The following RAI14 variants were observed in gnomAD, a reference collection of about 807,000 sequenced individuals.
The protein encoded by RAI14 is retinoic acid induced 14.
Under a neutral mutation model 115.4 loss-of-function variants are expected in RAI14, and 45 were observed. The ratio of observed to expected loss-of-function variants is 0.39; its 90% CI spans 0.31 to 0.50. The LOEUF is 0.50. Among genes scored for constraint, RAI14 ranks in the 20% least tolerant of loss-of-function variants. The probability of loss-of-function intolerance (pLI) is 0.85; values close to 1 mark genes in which losing one functional copy is unlikely to be tolerated. For synonymous variants in RAI14, 371 were observed against 415.4 expected, an observed-to-expected ratio of 0.89 and a Z score of 1.30; for missense variants, 939 against 1,131.2, an observed-to-expected ratio of 0.83 and a Z score of 2.44.
intron 1 of RAI14, among the ~76,000 whole-genome samples, chr5:34,680,516 C>T (rs577876867): frequency 6.6e-6 from 1 of 152,324 alleles, no homozygotes; most frequent in South Asian, 2.1e-4. Flanking sequence ...GTCTTCATCC[C>T]TTAATACTAT....
chr5:34,717,932 C>T (rs1017068257), intron 2 of RAI14, among the ~76,000 whole-genome samples: 8 of 150,958 alleles, frequency 5.3e-5, no homozygotes, highest in African/African-American at 2.0e-4. Flanking sequence ...CCTTCCAACC[C>T]TGCTCTTAAG....
chr5:34,819,686 A>G (rs898236887), intron 13 of RAI14, among the ~76,000 whole-genome samples: 1 of 152,246 alleles, frequency 6.6e-6, no homozygotes, highest in Non-Finnish European at 1.5e-5. Flanking sequence ...TTGCTCCAGC[A>G]TTCAGTGTCT....
At chr5:34,825,367 G>T (rs912518955) in intron 15 of RAI14, among the ~76,000 whole-genome samples, 1 of 152,158 alleles carries the variant, frequency 6.6e-6, no homozygotes, top group African/African-American at 2.4e-5. Context: ...TCATTTTACA[G>T]AAGCTTTGCC....
chr5:34,826,065 G>A (rs1467242189), intron 15 of RAI14: 1 of 229,282 alleles, frequency 4.4e-6, no homozygotes, highest in African/African-American at 2.3e-5. Context: ...CACAGCTTTT[G>A]TTACCGCCAT....
intron 5 of RAI14, among the ~76,000 whole-genome samples, chr5:34,804,687 A>C (rs575653696): frequency 6.6e-6 from 1 of 152,330 alleles, no homozygotes; most frequent in Admixed American, 6.5e-5. Context: ...GCTTAACCTT[A>C]ACAGGTCTTT....
chr5:34,722,802 C>A (rs182550979), intron 2 of RAI14, among the ~76,000 whole-genome samples: 1 of 146,526 alleles, frequency 6.8e-6, no homozygotes, highest in Non-Finnish European at 1.5e-5. Context: ...GCCAAGATTG[C>A]GCCACTTTGG....
intron 2 of RAI14, among the ~76,000 whole-genome samples, chr5:34,728,148 A>G (rs1743705996): frequency 6.6e-6 from 1 of 152,124 alleles, no homozygotes; most frequent in Admixed American, 6.5e-5. Flanking sequence ...AATTTCTCCC[A>G]TTTGGAAGGG....
intron 3 of RAI14, among the ~76,000 whole-genome samples, chr5:34,778,023 A>G (rs1003363715): frequency 4.6e-5 from 7 of 152,242 alleles, no homozygotes; most frequent in Non-Finnish European, 1.0e-4. Flanking sequence ...TTACCCATAC[A>G]TGGAAATGAT....
At chr5:34,668,773 G>GT (rs1304508975) in intron 1 of RAI14, among the ~76,000 whole-genome samples, 1 of 151,968 alleles carries the variant, frequency 6.6e-6, no homozygotes, top group East Asian at 1.9e-4. Context: ...CTTGGAGTGT[G>GT]TTTTTTGAGG....
intron 4 of RAI14, 46 bp from the exon 5 acceptor site, chr5:34,803,666 G>T: frequency 1.4e-6 from 2 of 1,462,506 alleles, no homozygotes; most frequent in Non-Finnish European, 1.9e-6. Flanking sequence ...TTTTTTTAAA[G>T]TGTGGCCTTT....
intron 2 of RAI14, among the ~76,000 whole-genome samples, chr5:34,701,745 A>G (rs999864649): frequency 4.6e-5 from 7 of 152,142 alleles, no homozygotes; most frequent in African/African-American, 1.4e-4. Context: ...AGGGCTGTGC[A>G]CAGGTCATGG....
At chr5:34,761,523 TAC>T (rs1748649945) in intron 3 of RAI14, among the ~76,000 whole-genome samples, 1 of 152,228 alleles carries the variant, frequency 6.6e-6, no homozygotes, top group South Asian at 2.1e-4. Flanking sequence ...CGCTGGAATC[TAC>T]AGTTGCCTGT....
chr5:34,818,122 G>A (rs1252576173), intron 12 of RAI14, among the ~76,000 whole-genome samples: 5 of 152,096 alleles, frequency 3.3e-5, no homozygotes, highest in African/African-American at 1.2e-4. Context: ...TCTTATCATT[G>A]ACTGGCTCAT....
At chr5:34,753,655 C>A (rs2150080668) in intron 2 of RAI14, among the ~76,000 whole-genome samples, 1 of 152,148 alleles carries the variant, frequency 6.6e-6, no homozygotes, top group South Asian at 2.1e-4. Flanking sequence ...GTGAGTCACA[C>A]CTATAATCCC....
rs530940182 is a variant in RAI14 at position 34,760,836 on chromosome 5, G to C, written c.167+3238G>C. 4.6e-5 allele frequency among the ~76,000 whole-genome samples: 7 copies of C among 152,204 alleles called. No homozygotes were observed. In the East Asian group the frequency reaches 1.4e-3, roughly 29 times the overall value. On this transcript the variant is annotated intron_variant, in intron 3 of 17. Coordinates refer to ENST00000265109, the MANE Select transcript of RAI14 (RefSeq NM_015577.3). ...GTTGCACAACCATTGTCACTTTCTA[G>C]TTCTAGAACTTTCTAATCAACCCAA...
chr5:34,720,449 C>T lies in RAI14; in HGVS notation c.36+33494C>T, dbSNP rs528443171. 6.9e-3 allele frequency among the ~76,000 whole-genome samples: 901 copies of T among 131,528 alleles called. 15 individuals carry two copies. Among genetic ancestry groups the T allele is most frequent in the African/African-American group, 0.024 (859 of 35,502 alleles). 86.3% of individuals were successfully genotyped at this position (131,528 alleles called of 152,430 possible). On this transcript the variant is annotated intron_variant, in intron 2 of 17. Transcript: ENST00000265109. Reference sequence around the variant, plus strand: ...TTTTTGAGATGGAGTCTCGCTCTGTCGCCCAGGCTGGAGTGCAGTGGCGCA... The same window carrying T: ...TTTTTGAGATGGAGTCTCGCTCTGTTGCCCAGGCTGGAGTGCAGTGGCGCA...
intron 3 of RAI14, among the ~76,000 whole-genome samples, chr5:34,781,957 T>G (rs1751699136): frequency 6.6e-6 from 1 of 152,210 alleles, no homozygotes; most frequent in African/African-American, 2.4e-5. Context: ...TGAGATTTAC[T>G]AAAAGTATTC....
At position 34,687,621 on chromosome 5, in the gene RAI14, A is replaced by T. The variant is rs542272117; in HGVS notation, c.36+666A>T. Reference sequence around the variant, plus strand: ...ATTTTTTTAAAAGGTCACCCCATAAACCCTTCTATGATCCCAGTCTTGTAT... The same window carrying T: ...ATTTTTTTAAAAGGTCACCCCATAATCCCTTCTATGATCCCAGTCTTGTAT... On this transcript the variant is annotated intron_variant, in intron 2 of 17. Transcript: ENST00000265109. 1.3e-5 allele frequency: 20 copies of T among 1,547,284 alleles called. No individual in the cohort carries two copies. The African/African-American group carries it at 2.6e-4, about 20-fold the overall frequency.
At chr5:34,725,355 G>T (rs941616238) in intron 2 of RAI14, among the ~76,000 whole-genome samples, 4 of 152,000 alleles carry the variant, frequency 2.6e-5, no homozygotes, top group Non-Finnish European at 4.4e-5. Flanking sequence ...AGAAAAAAAA[G>T]AATTGAATTT....
Sources: allele counts gnomAD v4.1 joint callset (sites outside exome capture counted in the v4.1 genomes callset), GRCh38; gene constraint gnomAD v4.1.1; transcripts MANE v1.5; gene names NCBI Gene and HGNC (gene_info 2026-07-23, HGNC 2026-07-21).